Variants in ANKRD11 observed in about 807,000 individuals in gnomAD.
ANKRD11 encodes the protein ankyrin repeat domain-containing protein 11.
ANKRD11 carries 17 observed loss-of-function variants against 195.7 expected under a neutral mutation model. The ratio of observed to expected loss-of-function variants is 0.09; its 90% CI spans 0.06 to 0.13. The LOEUF (loss-of-function observed/expected upper bound fraction) is 0.13, where lower values mean the gene tolerates loss of function less well. Ranked by LOEUF, ANKRD11 falls within the 10% of genes least tolerant of loss-of-function variation. The pLI is 1.00. For synonymous variants in ANKRD11, 1,953 were observed against 1,528.1 expected (o/e 1.28, Z -6.49); for missense variants, 3,735 against 3,566.1 (o/e 1.05, Z -1.21).
intron 4 of ANKRD11, among the ~76,000 whole-genome samples, chr16:89,301,791 C>T: frequency 6.6e-6 from 1 of 152,314 alleles, no homozygotes. Flanking sequence ...TGGCAGGCGG[C>T]CCCCAGCCCT....
intron 1 of ANKRD11, among the ~76,000 whole-genome samples, chr16:89,462,830 C>T (rs2056736013): frequency 6.6e-6 from 1 of 150,840 alleles, no homozygotes; most frequent in South Asian, 2.1e-4. Context: ...CCCCTCCGCC[C>T]GGCAGCCACC....
rs1055577429 is a variant in ANKRD11, at chr16:89,286,761, G to A, written c.745-575C>T. 3 of 1,286,956 alleles carry A rather than the reference G, an allele frequency of 2.3e-6. No homozygotes were observed. In the African/African-American group the frequency reaches 4.6e-5, roughly 20 times the overall value. 79.7% of individuals were successfully genotyped at this position (1,286,956 alleles called of 1,614,324 possible). On this transcript the variant is annotated intron_variant, in intron 7 of 12. Coordinates refer to ENST00000301030, the MANE Select transcript of ANKRD11 (RefSeq NM_013275.6). ...TAAGGGTGGTCACATGACTGACAGA[G>A]ACAACCATGGTGACACAGCTCTTTT...
chr16:89,324,953 C>G (rs1056917522), intron 2 of ANKRD11: 3 of 179,186 alleles, frequency 1.7e-5, no homozygotes, highest in African/African-American at 7.2e-5. Flanking sequence ...CTAGAGAACC[C>G]TGACTCGTAC....
intron 7 of ANKRD11, chr16:89,286,998 T>A (rs1045422258): frequency 1.2e-5 from 15 of 1,289,522 alleles, no homozygotes; most frequent in Non-Finnish European, 1.5e-5. Flanking sequence ...CAGTACAGAG[T>A]TCTTATGTGT....
intron 1 of ANKRD11, among the ~76,000 whole-genome samples, chr16:89,478,289 C>T (rs554060960): frequency 9.8e-4 from 149 of 152,114 alleles, no homozygotes; most frequent in African/African-American, 3.3e-3. Context: ...ACATGCACGT[C>T]GGACTATCAC....
At chr16:89,472,141 G>A (rs530241709) in intron 1 of ANKRD11, among the ~76,000 whole-genome samples, 2 of 152,274 alleles carry the variant, frequency 1.3e-5, no homozygotes, top group South Asian at 4.1e-4. Context: ...GAGTCTGAGA[G>A]CAACTTCCCA....
At chr16:89,288,693 T>C in intron 6 of ANKRD11, 23 bp from the exon 7 acceptor site, 1 of 1,613,842 alleles carries the variant, frequency 6.2e-7, no homozygotes, top group South Asian at 1.1e-5. Context: ...ACTCAGGACG[T>C]ACGTTATTTA....
intron 2 of ANKRD11, among the ~76,000 whole-genome samples, chr16:89,398,803 C>T (rs2041574400): frequency 6.6e-6 from 1 of 152,072 alleles, no homozygotes; most frequent in African/African-American, 2.4e-5. Context: ...AATTACTCGT[C>T]TAGTCTCTGA....
chr16:89,337,161 G>A (rs1314142780), intron 2 of ANKRD11, among the ~76,000 whole-genome samples: 5 of 152,064 alleles, frequency 3.3e-5, no homozygotes, highest in African/African-American at 1.2e-4. Flanking sequence ...ACTCCACCCT[G>A]GGCAACAGAG....
intron 1 of ANKRD11, among the ~76,000 whole-genome samples, chr16:89,427,349 T>G (rs1175186161): frequency 6.6e-6 from 1 of 152,200 alleles, no homozygotes; most frequent in Non-Finnish European, 1.5e-5. Flanking sequence ...CAGGGTGACC[T>G]GATGATTCAG....
chr16:89,304,953 G>A, intron 4 of ANKRD11: 1 of 565,782 alleles, frequency 1.8e-6, no homozygotes, highest in Non-Finnish European at 3.1e-6. Context: ...ACATGCACCG[G>A]GTGCATCTCC....
intron 4 of ANKRD11, chr16:89,298,939 G>T (rs1227209496): frequency 1.3e-5 from 2 of 152,208 alleles, no homozygotes; most frequent in African/African-American, 4.8e-5. Flanking sequence ...GGCTCTTAGG[G>T]TAACCCCAGA....
chr16:89,270,306 G>A (rs980973997), intron 12 of ANKRD11: 3 of 237,606 alleles, frequency 1.3e-5, no homozygotes, highest in African/African-American at 2.3e-5. Context: ...GCTGGTGACT[G>A]TACAGGGTGA....
intron 1 of ANKRD11, among the ~76,000 whole-genome samples, chr16:89,480,036 G>A (rs540117088): frequency 1.0e-4 from 15 of 147,310 alleles, no homozygotes; most frequent in Admixed American, 2.7e-4. Context: ...GCTTGAACCC[G>A]AGAGGCAGAG....
At chr16:89,305,406 T>C (rs1597552027) in intron 3 of ANKRD11, 62 bp from the exon 4 acceptor site, 1 of 1,610,324 alleles carries the variant, frequency 6.2e-7, no homozygotes. Flanking sequence ...GCTCTCAAGA[T>C]TTTGTTTCAT....
chr16:89,282,920 T>G lies in ANKRD11; in HGVS notation c.3622A>C (p.Lys1208Gln). 5.6e-6 allele frequency: 9 copies of G among 1,612,990 alleles called. No individual in the cohort carries two copies. Among genetic ancestry groups the G allele is most frequent in the Non-Finnish European group, 7.6e-6 (9 of 1,179,898 alleles). ...TTTTCTGTGGACTCTTTATCCTTCT[T>G]CTCCTTGTGCTTTTCAAAGACTTTC... is the stretch of plus-strand genomic sequence containing the variant. ...KEKVFEKHKE[K>Q]KDKESTEKYK... The change falls in exon 9 of 13, where the codon AAG becomes CAG. Residue 1208 changes from lysine (K) to glutamine (Q), a missense_variant. Coordinates refer to ENST00000301030, the MANE Select transcript of ANKRD11 (RefSeq NM_013275.6).
At chr16:89,348,576 G>A (rs1235400964) in intron 2 of ANKRD11, among the ~76,000 whole-genome samples, 4 of 152,184 alleles carry the variant, frequency 2.6e-5, no homozygotes, top group Non-Finnish European at 5.9e-5. Flanking sequence ...ATCCGGGACT[G>A]AAGGTTTCTT....
intron 2 of ANKRD11, among the ~76,000 whole-genome samples, chr16:89,380,073 A>G (rs1217765708): frequency 6.6e-6 from 1 of 152,150 alleles, no homozygotes; most frequent in African/African-American, 2.4e-5. Context: ...TTCACTATGG[A>G]AAGATGTTAT....
chr16:89,343,404 T>C (rs993381669), intron 2 of ANKRD11, among the ~76,000 whole-genome samples: 13 of 152,226 alleles, frequency 8.5e-5, no homozygotes, highest in African/African-American at 3.1e-4. Context: ...GCAAATTATT[T>C]CAAAGTAAAA....
Sources: gnomAD v4.1 joint callset for allele counts (sites outside exome capture counted in the v4.1 genomes callset) on GRCh38, gnomAD v4.1.1 for gene constraint, MANE v1.5 for transcripts, NCBI Gene and HGNC (gene_info 2026-07-23, HGNC 2026-07-21) for gene names.